The following DCAF17 variants were observed in gnomAD, a reference collection of about 807,000 sequenced individuals.
The protein encoded by DCAF17 is DDB1 and CUL4 associated factor 17, also known as DDB1- and CUL4-associated factor 17.
A neutral mutation model predicts 66.0 loss-of-function variants in DCAF17; 48 were observed. That is an observed-to-expected ratio of 0.73 (90% CI 0.58 to 0.92). The LOEUF is 0.92. Among genes scored for constraint, DCAF17 ranks in the 40% least tolerant of loss-of-function variants. The pLI is 0.00. For synonymous variants in DCAF17, 206 were observed against 214.6 expected (o/e 0.96, Z 0.35); for missense variants, 562 against 622.8 (o/e 0.90, Z 1.04).
intron 6 of DCAF17, among the ~76,000 whole-genome samples, chr2:171,455,155 A>G (rs570927632): frequency 9.0e-4 from 134 of 149,048 alleles, no homozygotes; most frequent in African/African-American, 3.1e-3. Flanking sequence ...CCACCCTCCG[A>G]TAGGCCCGAG....
chr2:171,483,406 G>C lies in DCAF17; in HGVS notation c.*2292G>C, dbSNP rs373833929. The C allele has an allele frequency of 4.4e-6, 2 of 454,098 alleles. No individual in the cohort carries two copies. Among genetic ancestry groups the C allele is most frequent in the Non-Finnish European group, 8.8e-6 (2 of 226,776 alleles). 28.1% of individuals were successfully genotyped at this position (454,098 alleles called of 1,614,324 possible). A position where few individuals can be genotyped will look rare whatever the true frequency, so the allele number is the denominator to read the frequency against. ...TTCCATCAGCAGGTACAGACGTTAC[G>C]CTGAAAAGAGGTGCATTCTGCATTG... On this transcript the variant is annotated 3_prime_UTR_variant, in exon 14 of 14. Coordinates refer to ENST00000375255, the MANE Select transcript of DCAF17 (RefSeq NM_025000.4).
At chr2:171,468,531 C>A (rs781361408) in intron 8 of DCAF17, among the ~76,000 whole-genome samples, 2 of 152,164 alleles carry the variant, frequency 1.3e-5, no homozygotes, top group African/African-American at 4.8e-5. Flanking sequence ...AACCCAGAGT[C>A]TTTACATAGT....
chr2:171,471,947 C>T (rs1479566579), intron 9 of DCAF17, among the ~76,000 whole-genome samples: 1 of 150,120 alleles, frequency 6.7e-6, no homozygotes, highest in African/African-American at 2.5e-5. Context: ...GCCAAGAGGT[C>T]AAGGCTCCAG....
rs1157617545 is a variant in DCAF17, at chr2:171,469,165, CAGA to C, written c.981+140_981+142del. The C allele has an allele frequency of 8.7e-6, 8 of 920,880 alleles. 1 individual carries two copies. In the East Asian group the frequency reaches 2.1e-4, roughly 24 times the overall value. The allele number at this position is 920,880 out of a possible 1,614,324, so 57.0% of individuals were successfully genotyped here. A position where few individuals can be genotyped will look rare whatever the true frequency, so the allele number is the denominator to read the frequency against. On this transcript the variant is annotated intron_variant, in intron 9 of 13. Transcript: ENST00000375255. The stretch of plus-strand genomic sequence containing the variant: ...AACAATTTGCAAACAATTTAAAATA[CAGA>C]AGAATACAGACAATATAGAAAACAT...
chr2:171,448,665 C>CTTTTTTT lies in DCAF17; in HGVS notation c.322-15_322-14insTTTTTTT. On this transcript the variant is annotated splice_polypyrimidine_tract_variant and intron_variant, in intron 3 of 13. Transcript: ENST00000375255. ...GCCAAGCAGTTTCATTTTTATATCT[C>CTTTTTTT]TCTTTTTTTTTTTAGGGAGATATAC... The CTTTTTTT allele has an allele frequency of 6.6e-7, 1 of 1,520,168 alleles. No individual in the cohort carries two copies. The highest frequency in any genetic ancestry group is 8.8e-7 in the Non-Finnish European group (1 of 1,132,024). 94.2% of individuals were successfully genotyped at this position (1,520,168 alleles called of 1,614,324 possible). A position where few individuals can be genotyped will look rare whatever the true frequency, so the allele number is the denominator to read the frequency against.
chr2:171,464,196 C>T (rs775034680), intron 8 of DCAF17, among the ~76,000 whole-genome samples: 2 of 152,142 alleles, frequency 1.3e-5, no homozygotes, highest in Non-Finnish European at 2.9e-5. Flanking sequence ...TATTAGAGAA[C>T]GTCATTAGAG....
chr2:171,469,047 A>T lies in DCAF17; in HGVS notation c.981+17A>T. The stretch of plus-strand genomic sequence containing the variant: ...AATTCCCTGGTAAATGAGTGATCAG[A>T]CTTTTTATTAGCAAATTTGTATCAA... On this transcript the variant is annotated intron_variant, in intron 9 of 13. Transcript: ENST00000375255. The T allele has an allele frequency of 3.7e-6, 6 of 1,613,812 alleles. No individual in the cohort carries two copies. The highest frequency in any genetic ancestry group is 5.1e-6 in the Non-Finnish European group (6 of 1,179,768).
At chr2:171,442,656 G>C (rs942204425) in intron 2 of DCAF17, among the ~76,000 whole-genome samples, 5 of 151,830 alleles carry the variant, frequency 3.3e-5, no homozygotes, top group African/African-American at 1.2e-4. Flanking sequence ...GAGGCAGGTG[G>C]ATTACTTGAG....
chr2:171,436,315 C>G (rs2105716490), intron 2 of DCAF17, among the ~76,000 whole-genome samples: 2 of 152,248 alleles, frequency 1.3e-5, no homozygotes, highest in South Asian at 4.1e-4. Context: ...CATTTATTTT[C>G]ACTTCTCCTA....
chr2:171,456,544 A>G (rs560191426), intron 6 of DCAF17, among the ~76,000 whole-genome samples: 1 of 152,232 alleles, frequency 6.6e-6, no homozygotes, highest in Non-Finnish European at 1.5e-5. Flanking sequence ...GAAGAACATC[A>G]GTGGTAGTTT....
Position 171,458,489 on chromosome 2 carries a change from C to G in DCAF17, c.838+12C>G, listed in dbSNP as rs768382294. On this transcript the variant is annotated intron_variant, in intron 8 of 13. Transcript: ENST00000375255. The stretch of plus-strand genomic sequence containing the variant: ...TATTAAAATCACAGGTATGGCTACT[C>G]TATAGTATTTTTTCACCTTAAAAAA... 3.1e-6 allele frequency: 5 copies of G among 1,589,432 alleles called. No individual in the cohort carries two copies. Among genetic ancestry groups the G allele is most frequent in the Admixed American group, 3.3e-5 (2 of 59,874 alleles).
rs750778801 is a variant in DCAF17 at position 171,448,723 on chromosome 2, A to T, written c.364A>T (p.Ile122Leu). The change falls in exon 4 of 14, where the codon ATA becomes TTA. Residue 122 changes from isoleucine (I) to leucine (L), a missense_variant. Ile to Leu is a conservative substitution (Grantham distance 5, BLOSUM62 2). Around this residue, in one of 3 missense-constraint regions of DCAF17, gnomAD observed 348 missense variants for 355.9 expected, o/e 0.98. Transcript: ENST00000375255. ...TTCATCAGATTATAAGTCCTCACTC[A>T]TAGCACTGACTGCTCATAATTGGCT... is the stretch of plus-strand genomic sequence containing the variant. Reference protein sequence around the residue: ...PNSSDYKSSLIALTAHNWLLR... With the variant: ...PNSSDYKSSLLALTAHNWLLR... The T allele has an allele frequency of 6.2e-6, 10 of 1,613,094 alleles. No individual in the cohort carries two copies. The Admixed American group carries it at 1.5e-4, about 24-fold the overall frequency.
intron 8 of DCAF17, among the ~76,000 whole-genome samples, chr2:171,466,735 T>C (rs567678064): frequency 2.9e-3 from 447 of 151,704 alleles, no homozygotes; most frequent in Non-Finnish European, 4.8e-3. Context: ...CTGTTTTTTT[T>C]TTTTTTTCTA....
chr2:171,479,715 G>A (rs1447860218), intron 12 of DCAF17: 2 of 326,108 alleles, frequency 6.1e-6, no homozygotes. Flanking sequence ...CTTGTGAGAG[G>A]CAGCAGTTGA....
intron 8 of DCAF17, among the ~76,000 whole-genome samples, chr2:171,464,503 A>G (rs1695781668): frequency 2.0e-5 from 3 of 152,140 alleles, no homozygotes; most frequent in South Asian, 4.1e-4. Context: ...GACACCAGTC[A>G]TTGAATTTAG....
chr2:171,468,499 A>G (rs986897966), intron 8 of DCAF17, among the ~76,000 whole-genome samples: 1 of 152,220 alleles, frequency 6.6e-6, no homozygotes, highest in East Asian at 1.9e-4. Context: ...TAGGATTATT[A>G]TGAGAGTTGG....
At chr2:171,467,067 AT>A (rs1479208240) in intron 8 of DCAF17, among the ~76,000 whole-genome samples, 1 of 152,136 alleles carries the variant, frequency 6.6e-6, no homozygotes, top group Non-Finnish European at 1.5e-5. Flanking sequence ...TATATTTGAT[AT>A]GTTTATGCCT....
At chr2:171,476,289 C>T (rs994489768) in intron 10 of DCAF17, among the ~76,000 whole-genome samples, 4 of 152,072 alleles carry the variant, frequency 2.6e-5, no homozygotes, top group African/African-American at 4.8e-5. Flanking sequence ...AGGCCATTTG[C>T]ACTCCAAACC....
intron 12 of DCAF17, chr2:171,479,798 C>T (rs1282610415): frequency 8.8e-6 from 4 of 453,240 alleles, no homozygotes; most frequent in Non-Finnish European, 1.6e-5. Flanking sequence ...TTGAGATCTA[C>T]ATAGACTTGG....
Sources: allele counts gnomAD v4.1 joint callset (sites outside exome capture counted in the v4.1 genomes callset), GRCh38; gene constraint gnomAD v4.1.1; regional missense constraint gnomAD v4.1.1; transcripts MANE v1.5; gene names NCBI Gene and HGNC (gene_info 2026-07-23, HGNC 2026-07-21).